Variants in HRH2 observed in about 807,000 individuals in gnomAD.
HRH2 encodes histamine H2 receptor.
HRH2 carries 4 observed loss-of-function variants against 20.1 expected under a neutral mutation model. The observed-to-expected ratio is 0.20, with a 90% CI of 0.10 to 0.45. HRH2 has a LOEUF of 0.45. HRH2 is among the 20% of genes least tolerant of loss of function. The pLI, the probability that HRH2 is intolerant of heterozygous loss-of-function variation, is 0.99. For synonymous variants in HRH2, 197 were observed against 200.7 expected (o/e 0.98, Z 0.16); for missense variants, 250 against 461.6 (o/e 0.54, Z 4.20).
intron 2 of HRH2, among the ~76,000 whole-genome samples, chr5:175,699,705 C>T (rs1356360756): frequency 6.6e-6 from 1 of 152,128 alleles, no homozygotes; most frequent in Non-Finnish European, 1.5e-5. Context: ...TCCCGAGTAG[C>T]TGGGACTACA....
At chr5:175,685,595 AC>A in intron 2 of HRH2, 1 of 887,140 alleles carries the variant, frequency 1.1e-6, no homozygotes, top group Non-Finnish European at 1.8e-6. Context: ...AATCAATGGC[AC>A]AGCCCTGGTC....
chr5:175,668,851 A>T (rs1476761014), intron 1 of HRH2, among the ~76,000 whole-genome samples: 5 of 152,180 alleles, frequency 3.3e-5, no homozygotes, highest in African/African-American at 1.2e-4. Context: ...TGGGAGAAGC[A>T]GGGGAGAGGG....
chr5:175,670,274 AT>A (rs57473415), intron 1 of HRH2, among the ~76,000 whole-genome samples: 14 of 151,366 alleles, frequency 9.2e-5, no homozygotes, highest in Non-Finnish European at 1.8e-4. Context: ...CTCAAAGAAA[AT>A]TTTTTTTTTA....
intron 2 of HRH2, among the ~76,000 whole-genome samples, chr5:175,692,812 C>T (rs1307277378): frequency 3.3e-5 from 5 of 152,180 alleles, no homozygotes; most frequent in African/African-American, 1.2e-4. Flanking sequence ...ACGGAGAGAG[C>T]GTGCCAACCC....
intron 1 of HRH2, among the ~76,000 whole-genome samples, chr5:175,664,578 C>T (rs1160775538): frequency 3.3e-5 from 5 of 152,126 alleles, no homozygotes; most frequent in African/African-American, 4.8e-5. Context: ...GAGGAATCAG[C>T]GGCGCAGACC....
chr5:175,683,094 A>C lies in HRH2; in HGVS notation c.-140A>C. ...GAAGCCTTCCCCACCCCCTGGCCAA[A>C]AAAAAAAAAAAAAAAAAACTGGACA... On this transcript the variant is annotated 5_prime_UTR_variant, in exon 2 of 3. Coordinates refer to ENST00000636584, the MANE Select transcript of HRH2 (RefSeq NM_001367711.1). 1.2e-6 allele frequency: 1 copy of C among 809,046 alleles called. No homozygotes were observed. Among genetic ancestry groups the C allele is most frequent in the Non-Finnish European group, 1.7e-6 (1 of 590,186 alleles). The allele number at this position is 809,046 out of a possible 1,614,324, so 50.1% of individuals were successfully genotyped here.
intron 1 of HRH2, among the ~76,000 whole-genome samples, chr5:175,670,979 GAGAA>G (rs1247006559): frequency 6.6e-6 from 1 of 152,290 alleles, no homozygotes; most frequent in East Asian, 1.9e-4. Context: ...GGGGCCAACA[GAGAA>G]AGAAAGAATG....
rs191371093 is a variant in HRH2, at chr5:175,682,743, C to T, written c.-491C>T. 6.2e-5 allele frequency: 10 copies of T among 160,090 alleles called. No homozygotes were observed. Among genetic ancestry groups the T allele is most frequent in the Non-Finnish European group, 5.5e-5 (4 of 72,112 alleles). 9.9% of individuals were successfully genotyped at this position (160,090 alleles called of 1,614,324 possible). A position where few individuals can be genotyped will look rare whatever the true frequency, so the allele number is the denominator to read the frequency against. On this transcript the variant is annotated 5_prime_UTR_variant, in exon 2 of 3. Coordinates refer to ENST00000636584, the MANE Select transcript of HRH2 (RefSeq NM_001367711.1). ...TCCACTGACTCCAGAGAGGGAGATC[C>T]CCAGTACTTGACTCCATCACGCAGA...
In HRH2 at chr5:175,693,276, GGGT is replaced by G. The variant is rs527871974; in HGVS notation, c.1076+8969_1076+8971del. ...TGGAAGGGGGTGTGCCTGCATTGCA[GGGT>G]GTGCACAGCCCTTGAGGCTCTCCTG... On this transcript the variant is annotated intron_variant, in intron 2 of 2. Transcript: ENST00000636584. This position sits in a 1 kb window ranked among gnomAD's most constrained non-coding sequence, Gnocchi z 4.4. Among the ~76,000 whole-genome samples the G allele has an allele frequency of 2.4e-4, 36 of 152,326 alleles. No individual in the cohort carries two copies. The highest frequency in any genetic ancestry group is 8.7e-4 in the African/African-American group (36 of 41,572).
chr5:175,700,160 T>C (rs1756751521), intron 2 of HRH2, among the ~76,000 whole-genome samples: 1 of 152,150 alleles, frequency 6.6e-6, no homozygotes, highest in Non-Finnish European at 1.5e-5. Flanking sequence ...GCTGCTCAGA[T>C]ATTTGTTGAA....
chr5:175,683,193 C>T lies in HRH2; in HGVS notation c.-41C>T. The stretch of plus-strand genomic sequence containing the variant: ...CACATTGGGAGCAGAGAAGAAGCAA[C>T]CAGGGGCCCTGATCAGGGGACTGAG... On this transcript the variant is annotated 5_prime_UTR_variant, in exon 2 of 3. Transcript: ENST00000636584. 6.3e-7 allele frequency: 1 copy of T among 1,582,486 alleles called. No homozygotes were observed. Among genetic ancestry groups the T allele is most frequent in the South Asian group, 1.2e-5 (1 of 86,694 alleles).
In HRH2 at chr5:175,707,800, T is replaced by C; in HGVS notation, c.1098T>C (p.Thr366=). 2.5e-6 allele frequency: 1 copy of C among 399,206 alleles called. No individual in the cohort carries two copies. The highest frequency in any genetic ancestry group is 1.3e-4 in the South Asian group (1 of 7,862). The allele number at this position is 399,206 out of a possible 1,614,324, so 24.7% of individuals were successfully genotyped here. Residue 366 remains threonine, a synonymous_variant, in exon 3 of 3, where the codon ACT becomes ACC. Coordinates refer to ENST00000636584, the MANE Select transcript of HRH2 (RefSeq NM_001367711.1). ...TCAGGAAGCCAGCACTGTCCTGCACTACGTGCTCCAGCAACCTCCTGAGCT... is the reference window on the plus strand; with the variant it reads ...TCAGGAAGCCAGCACTGTCCTGCACCACGTGCTCCAGCAACCTCCTGAGCT... The part of the protein sequence containing the change: ...ATDRKPALSC[T]TCSSNLLSCC...
intron 1 of HRH2, among the ~76,000 whole-genome samples, chr5:175,680,426 A>C (rs991546393): frequency 6.6e-6 from 1 of 152,208 alleles, no homozygotes; most frequent in Non-Finnish European, 1.5e-5. Flanking sequence ...AGCAGCAGTC[A>C]CTTCCTGGTG....
At position 175,687,791 on chromosome 5, in the gene HRH2, A is replaced by C. The variant is rs1262173976; in HGVS notation, c.1076+3482A>C. 6.6e-6 allele frequency among the ~76,000 whole-genome samples: 1 copy of C among 152,094 alleles called. No individual in the cohort carries two copies. The highest frequency in any genetic ancestry group is 2.4e-5 in the African/African-American group (1 of 41,412). ...CTCCCTAAATTATGAATCTCAGTGT[A>C]GTGCCCCTGCTCAGGACCCTCCTCT... On this transcript the variant is annotated intron_variant, in intron 2 of 2. Coordinates refer to ENST00000636584, the MANE Select transcript of HRH2 (RefSeq NM_001367711.1). This position sits in a 1 kb window ranked among gnomAD's most constrained non-coding sequence, Gnocchi z 5.2.
At chr5:175,662,180 C>T (rs1762757788) in intron 1 of HRH2, among the ~76,000 whole-genome samples, 1 of 151,902 alleles carries the variant, frequency 6.6e-6, no homozygotes. Flanking sequence ...GAAGACTGCC[C>T]AGAGGGGATA....
At chr5:175,691,833 C>T (rs1427455956) in intron 2 of HRH2, among the ~76,000 whole-genome samples, 1 of 149,946 alleles carries the variant, frequency 6.7e-6, no homozygotes, top group African/African-American at 2.5e-5. Flanking sequence ...CAGTGCACTC[C>T]AGCCTAGGTG....
intron 2 of HRH2, among the ~76,000 whole-genome samples, chr5:175,691,867 A>C (rs1314312676): frequency 1.3e-5 from 2 of 151,776 alleles, no homozygotes; most frequent in Non-Finnish European, 2.9e-5. Context: ...CCATCTCAAA[A>C]AAAAAAAGAA....
rs966824168 is a variant in HRH2 at position 175,658,097 on chromosome 5, G to C, written c.-584G>C. ...CATCCCTGCCCGGAGCGCAGCCGGC[G>C]CGGGCGCGGGACCGAGGCGAACCGG... is the stretch of plus-strand genomic sequence containing the variant. On this transcript the variant is annotated 5_prime_UTR_variant, in exon 1 of 3. Coordinates refer to ENST00000636584, the MANE Select transcript of HRH2 (RefSeq NM_001367711.1). 1 of 151,836 alleles carries C rather than the reference G, an allele frequency of 6.6e-6. No individual in the cohort carries two copies. The highest frequency in any genetic ancestry group is 1.5e-5 in the Non-Finnish European group (1 of 67,972). The allele number at this position is 151,836 out of a possible 1,614,324, so 9.4% of individuals were successfully genotyped here. A position where few individuals can be genotyped will look rare whatever the true frequency, so the allele number is the denominator to read the frequency against.
At chr5:175,700,731 A>T (rs922200043) in intron 2 of HRH2, among the ~76,000 whole-genome samples, 51 of 151,950 alleles carry the variant, frequency 3.4e-4, no homozygotes, top group African/African-American at 1.2e-3. Flanking sequence ...TAAAAATAAT[A>T]AAAAAAATTA....
Sources: allele counts gnomAD v4.1 joint callset (sites outside exome capture counted in the v4.1 genomes callset), GRCh38; gene constraint gnomAD v4.1.1; non-coding constraint Gnocchi (gnomAD v3.1); transcripts MANE v1.5; gene names NCBI Gene and HGNC (gene_info 2026-07-23, HGNC 2026-07-21).